Variants in RAP1GAP2 observed in about 807,000 individuals in gnomAD.
RAP1GAP2 encodes RAP1 GTPase activating protein 2, also known as rap1 GTPase-activating protein 2.
A neutral mutation model predicts 95.0 loss-of-function variants in RAP1GAP2; 27 were observed. That is an observed-to-expected ratio of 0.28 (90% CI 0.21 to 0.39). The LOEUF (loss-of-function observed/expected upper bound fraction) is 0.39. Among genes scored for constraint, RAP1GAP2 ranks in the 10% least tolerant of loss-of-function variants. The pLI is 1.00. For synonymous variants in RAP1GAP2, 373 were observed against 380.9 expected, an observed-to-expected ratio of 0.98 and a Z score of 0.24; for missense variants, 771 against 970.0, an observed-to-expected ratio of 0.79 and a Z score of 2.72.
At chr17:2,790,319 T>G (rs560478597) in intron 1 of RAP1GAP2, among the ~76,000 whole-genome samples, 1 of 151,898 alleles carries the variant, frequency 6.6e-6, no homozygotes, top group Admixed American at 6.6e-5. Context: ...TCCATGTTGG[T>G]CAGGCTGGTC....
In RAP1GAP2 at chr17:3,005,942, T is replaced by A. The variant is rs1356962893; in HGVS notation, c.1273-13T>A. Reference sequence around the variant, plus strand: ...GAGAGTGACAGACCTGAGGTCCGTCTTGTCTCTTCCAGGGCCCGGAATTCA... The same window carrying A: ...GAGAGTGACAGACCTGAGGTCCGTCATGTCTCTTCCAGGGCCCGGAATTCA... On this transcript the variant is annotated splice_polypyrimidine_tract_variant and intron_variant, in intron 15 of 24. Transcript: ENST00000254695. This position sits in a 1 kb window ranked among gnomAD's most constrained non-coding sequence, Gnocchi z 5.2. 1 of 1,612,166 alleles carries A rather than the reference T, an allele frequency of 6.2e-7. No homozygotes were observed. The highest frequency in any genetic ancestry group is 8.5e-7 in the Non-Finnish European group (1 of 1,178,484).
chr17:2,850,923 G>C lies in RAP1GAP2; in HGVS notation c.80+50373G>C, dbSNP rs149376890. On this transcript the variant is annotated intron_variant, in intron 2 of 24. Coordinates refer to ENST00000254695, the MANE Select transcript of RAP1GAP2 (RefSeq NM_015085.5). ...TAAAAATACAAAATTAGCCCGATGT[G>C]GTGGCGAATGCCGGTAGTCCCAGCT... is the stretch of plus-strand genomic sequence containing the variant. Among the ~76,000 whole-genome samples the C allele has an allele frequency of 5.0e-3, 761 of 152,276 alleles. 7 individuals carry two copies. Among genetic ancestry groups the C allele is most frequent in the African/African-American group, 0.017 (710 of 41,552 alleles).
intron 17 of RAP1GAP2, among the ~76,000 whole-genome samples, chr17:3,010,640 G>A (rs953412388): frequency 2.6e-5 from 4 of 152,168 alleles, no homozygotes; most frequent in African/African-American, 9.7e-5. Context: ...GGCAGGAGTC[G>A]CAGTTGATCT....
rs1482005791 is a variant in RAP1GAP2, at chr17:2,963,139, T to C, written c.247-291T>C. The C allele has an allele frequency of 3.6e-5, 20 of 549,408 alleles. No individual in the cohort carries two copies. In the East Asian group the frequency reaches 5.7e-4, roughly 16 times the overall value. 34.0% of individuals were successfully genotyped at this position (549,408 alleles called of 1,614,324 possible). A position where few individuals can be genotyped will look rare whatever the true frequency, so the allele number is the denominator to read the frequency against. On this transcript the variant is annotated intron_variant, in intron 5 of 24. Coordinates refer to ENST00000254695, the MANE Select transcript of RAP1GAP2 (RefSeq NM_015085.5). This position sits in a 1 kb window ranked among gnomAD's most constrained non-coding sequence, Gnocchi z 4.8. ...GGTGCTGGGGGAGACTAGGGGTCAT[T>C]TTCCGGAATGAGCGTTCTAGGATGA...
chr17:2,989,579 C>T (rs1001720365), intron 11 of RAP1GAP2, among the ~76,000 whole-genome samples: 2 of 152,110 alleles, frequency 1.3e-5, no homozygotes, highest in African/African-American at 2.4e-5. Flanking sequence ...GTGATCCACC[C>T]GCCTCGGCCT....
At chr17:2,972,292 A>G (rs889645689) in intron 8 of RAP1GAP2, among the ~76,000 whole-genome samples, 1 of 152,202 alleles carries the variant, frequency 6.6e-6, no homozygotes, top group African/African-American at 2.4e-5. Context: ...GTTCAAGAGA[A>G]AAGAAAAAAA....
intron 14 of RAP1GAP2, among the ~76,000 whole-genome samples, chr17:2,999,885 A>G (rs1442902061): frequency 1.3e-5 from 2 of 152,130 alleles, no homozygotes; most frequent in African/African-American, 2.4e-5. Flanking sequence ...GCCCAGGCTC[A>G]TGTGTCCCTG....
chr17:2,886,433 A>G (rs919398290), intron 2 of RAP1GAP2, among the ~76,000 whole-genome samples: 12 of 152,024 alleles, frequency 7.9e-5, no homozygotes, highest in Admixed American at 1.3e-4. Context: ...CTGGCCTCCC[A>G]AAGTACTGGG....
rs553657019 is a variant in RAP1GAP2, at chr17:3,029,892, T to C, written c.2108-1030T>C. 6.6e-6 allele frequency among the ~76,000 whole-genome samples: 1 copy of C among 152,154 alleles called. No individual in the cohort carries two copies. The highest frequency in any genetic ancestry group is 6.6e-5 in the Admixed American group (1 of 15,250). On this transcript the variant is annotated intron_variant, in intron 22 of 24. Transcript: ENST00000254695. This position sits in a 1 kb window ranked among gnomAD's most constrained non-coding sequence, Gnocchi z 4.4. Reference sequence around the variant, plus strand: ...TATTCTTTACCATAAGTCCCATATGTCCAACTGATTCTCACAGAATGCTTT... The same window carrying C: ...TATTCTTTACCATAAGTCCCATATGCCCAACTGATTCTCACAGAATGCTTT...
At chr17:2,844,133 G>C (rs2071482933) in intron 2 of RAP1GAP2, among the ~76,000 whole-genome samples, 1 of 152,000 alleles carries the variant, frequency 6.6e-6, no homozygotes, top group African/African-American at 2.4e-5. Flanking sequence ...CCATTCTCCT[G>C]CCTCAGCCTC....
chr17:2,827,141 G>C lies in RAP1GAP2; in HGVS notation c.80+26591G>C, dbSNP rs1274680632. ...GAGGCAGGAGGGAAGCCTAGTAGCA[G>C]AGAAGATGATGCCTTCGGCCTTGAG... On this transcript the variant is annotated intron_variant, in intron 2 of 24. Transcript: ENST00000254695. This position sits in a 1 kb window ranked among gnomAD's most constrained non-coding sequence, Gnocchi z 4.1. 1.3e-5 allele frequency among the ~76,000 whole-genome samples: 2 copies of C among 152,230 alleles called. No individual in the cohort carries two copies. The highest frequency in any genetic ancestry group is 2.9e-5 in the Non-Finnish European group (2 of 68,048).
intron 10 of RAP1GAP2, among the ~76,000 whole-genome samples, chr17:2,982,892 A>C (rs752558473): frequency 1.3e-5 from 2 of 152,226 alleles, no homozygotes; most frequent in African/African-American, 4.8e-5. Context: ...TGGGATGTTC[A>C]TCTGGCTGAG....
At position 2,980,271 on chromosome 17, in the gene RAP1GAP2, C is replaced by G. The variant is rs369938220; in HGVS notation, c.597-16C>G. On this transcript the variant is annotated splice_polypyrimidine_tract_variant and intron_variant, in intron 8 of 24. Transcript: ENST00000254695. ...CTGTTTCTTAGGGATGTCCTTTTTT[C>G]TCCCGTCTTGTGCAGGTCCAAACTG... The G allele has an allele frequency of 6.2e-7, 1 of 1,613,052 alleles. No individual in the cohort carries two copies. Among genetic ancestry groups the G allele is most frequent in the Non-Finnish European group, 8.5e-7 (1 of 1,179,286 alleles).
rs545993981 is a variant in RAP1GAP2, at chr17:3,003,866, C to T, written c.1201-1503C>T. ...ATGAGGATGGAAGGTGAACGCACGT[C>T]GCAAGGAAGGGCCCTGTCCTCCGTG... On this transcript the variant is annotated intron_variant, in intron 14 of 24. Transcript: ENST00000254695. The surrounding 1 kb of genome is among the most constrained non-coding windows in gnomAD (Gnocchi z 4.1). Among the ~76,000 whole-genome samples, 10 of 152,318 alleles carry T rather than the reference C, an allele frequency of 6.6e-5. No homozygotes were observed. The highest frequency in any genetic ancestry group is 2.1e-4 in the South Asian group (1 of 4,830).
At chr17:2,821,318 A>G (rs1045325193) in intron 2 of RAP1GAP2, among the ~76,000 whole-genome samples, 3 of 152,188 alleles carry the variant, frequency 2.0e-5, no homozygotes, top group Non-Finnish European at 4.4e-5. Context: ...AGATTAAAAA[A>G]TAAAAATATG....
intron 1 of RAP1GAP2, among the ~76,000 whole-genome samples, chr17:2,788,772 G>T (rs1455914518): frequency 1.3e-5 from 2 of 152,220 alleles, no homozygotes; most frequent in African/African-American, 4.8e-5. Flanking sequence ...CTCAGGCAGA[G>T]AATGAACTCT....
chr17:2,868,260 C>A (rs2072696063), intron 2 of RAP1GAP2, among the ~76,000 whole-genome samples: 1 of 152,134 alleles, frequency 6.6e-6, no homozygotes, highest in Admixed American at 6.5e-5. Flanking sequence ...TGCTATCCAT[C>A]CCCCTGGTGG....
chr17:2,781,809 C>T (rs1040072595), intron 1 of RAP1GAP2, among the ~76,000 whole-genome samples: 53 of 141,518 alleles, frequency 3.7e-4, no homozygotes, highest in African/African-American at 1.4e-3. Flanking sequence ...TCTGTGTGTG[C>T]ACGTCTCTGT....
intron 2 of RAP1GAP2, among the ~76,000 whole-genome samples, chr17:2,873,626 T>C (rs1378833317): frequency 6.6e-6 from 1 of 151,904 alleles, no homozygotes; most frequent in Non-Finnish European, 1.5e-5. Flanking sequence ...GTTTGAGCCC[T>C]GCTAATGTAT....
Sources: gnomAD v4.1 joint callset for allele counts (sites outside exome capture counted in the v4.1 genomes callset) on GRCh38, gnomAD v4.1.1 for gene constraint, Gnocchi (gnomAD v3.1) non-coding constraint, MANE v1.5 for transcripts, NCBI Gene and HGNC (gene_info 2026-07-23, HGNC 2026-07-21) for gene names.